Variants in RORA observed in about 807,000 individuals in gnomAD.
RORA encodes the protein RAR related orphan receptor A, also known as nuclear receptor ROR-alpha.
RORA carries 7 observed loss-of-function variants against 69.5 expected under a neutral mutation model. The observed-to-expected ratio is 0.10, with a 90% CI of 0.06 to 0.19. The LOEUF (loss-of-function observed/expected upper bound fraction) is 0.19. Ranked by LOEUF, RORA falls within the 10% of genes least tolerant of loss-of-function variation. The probability of loss-of-function intolerance (pLI) is 1.00; values close to 1 mark genes in which losing one functional copy is unlikely to be tolerated. For synonymous variants in RORA, 261 were observed against 240.8 expected, an observed-to-expected ratio of 1.08 and a Z score of -0.78; for missense variants, 457 against 663.0, an observed-to-expected ratio of 0.69 and a Z score of 3.41.
At chr15:60,829,359 G>A (rs538470470) in intron 1 of RORA, among the ~76,000 whole-genome samples, 1 of 152,328 alleles carries the variant, frequency 6.6e-6, no homozygotes, top group East Asian at 1.9e-4. Flanking sequence ...CAGTGAGCAG[G>A]GGGCAGTGAG....
intron 1 of RORA, among the ~76,000 whole-genome samples, chr15:61,122,319 T>C (rs2079111380): frequency 6.6e-6 from 1 of 152,196 alleles, no homozygotes; most frequent in Admixed American, 6.5e-5. Flanking sequence ...AAGGGAAGCA[T>C]TTGAAAAGGG....
intron 1 of RORA, among the ~76,000 whole-genome samples, chr15:60,825,565 C>G (rs762485099): frequency 1.3e-5 from 2 of 152,102 alleles, no homozygotes; most frequent in African/African-American, 2.4e-5. Flanking sequence ...TAGTGAAATC[C>G]TAGCATATAC....
chr15:61,199,375 AGTCCAATG>A (rs1449335247), intron 1 of RORA, among the ~76,000 whole-genome samples: 1 of 152,240 alleles, frequency 6.6e-6, no homozygotes, highest in Admixed American at 6.5e-5. Context: ...ACAAGAAGTT[AGTCCAATG>A]GCCCCAGGAA....
intron 1 of RORA, among the ~76,000 whole-genome samples, chr15:61,153,932 G>A (rs941434659): frequency 6.6e-6 from 1 of 152,166 alleles, no homozygotes; most frequent in Non-Finnish European, 1.5e-5. Flanking sequence ...ATTTGGTAAG[G>A]CCAAGCCACT....
chr15:60,901,598 T>A (rs1234748398), intron 1 of RORA, among the ~76,000 whole-genome samples: 1 of 152,204 alleles, frequency 6.6e-6, no homozygotes, highest in African/African-American at 2.4e-5. Flanking sequence ...TCCTAACAAC[T>A]TGATTTCTGA....
intron 2 of RORA, among the ~76,000 whole-genome samples, chr15:60,603,766 C>T (rs563778995): frequency 4.6e-5 from 7 of 152,298 alleles, no homozygotes; most frequent in East Asian, 1.9e-4. Context: ...AATCTTCTCG[C>T]GCTTGAACAC....
At chr15:60,503,466 G>A in intron 7 of RORA, 69 bp downstream of exon 7, 1 of 1,522,474 alleles carries the variant, frequency 6.6e-7, no homozygotes, top group East Asian at 2.3e-5. Flanking sequence ...TCCTTACCAA[G>A]CATTTCTTTA....
At chr15:61,006,789 T>C (rs1894924800) in intron 1 of RORA, among the ~76,000 whole-genome samples, 1 of 152,150 alleles carries the variant, frequency 6.6e-6, no homozygotes, top group Admixed American at 6.5e-5. Flanking sequence ...CTGTCCCTAC[T>C]CTCGTAAGTT....
chr15:61,223,314 C>A (rs1426583936), intron 1 of RORA, among the ~76,000 whole-genome samples: 911 of 96,150 alleles, frequency 9.5e-3, no homozygotes, highest in East Asian at 0.015. Flanking sequence ...GACTCTGTCT[C>A]AAAAAAAAAA....
At chr15:61,162,402 C>T (rs1269939990) in intron 1 of RORA, among the ~76,000 whole-genome samples, 1 of 152,108 alleles carries the variant, frequency 6.6e-6, no homozygotes, top group African/African-American at 2.4e-5. Context: ...TAGACTTTAG[C>T]CTTGACAAAA....
intron 2 of RORA, among the ~76,000 whole-genome samples, chr15:60,562,294 G>A (rs1163585825): frequency 6.6e-6 from 1 of 152,170 alleles, no homozygotes; most frequent in East Asian, 1.9e-4. Context: ...GGAGTGCGAT[G>A]GCACGATCAT....
intron 1 of RORA, among the ~76,000 whole-genome samples, chr15:60,880,653 T>G (rs2073669252): frequency 4.6e-5 from 7 of 152,120 alleles, no homozygotes; most frequent in Admixed American, 4.6e-4. Flanking sequence ...CCAATGAATT[T>G]CAACAACTTC....
At chr15:61,156,917 G>C (rs1285523188) in intron 1 of RORA, among the ~76,000 whole-genome samples, 1 of 152,166 alleles carries the variant, frequency 6.6e-6, no homozygotes, top group African/African-American at 2.4e-5. Context: ...TGAATGGTGA[G>C]AAGGATGTTC....
chr15:60,990,654 C>T (rs1894345461), intron 1 of RORA, among the ~76,000 whole-genome samples: 1 of 152,138 alleles, frequency 6.6e-6, no homozygotes, highest in South Asian at 2.1e-4. Context: ...AAATATGTTA[C>T]ATATACAATT....
chr15:60,608,943 AAC>A (rs2069016637), intron 2 of RORA, among the ~76,000 whole-genome samples: 1 of 152,300 alleles, frequency 6.6e-6, no homozygotes, highest in African/African-American at 2.4e-5. Context: ...GTGACCGAGA[AAC>A]ACACACAGTT....
At chr15:60,998,976 C>G (rs1488658713) in intron 1 of RORA, among the ~76,000 whole-genome samples, 1 of 152,064 alleles carries the variant, frequency 6.6e-6, no homozygotes, top group Admixed American at 6.6e-5. Context: ...TTGAAGACAG[C>G]TAAACTGGAG....
At chr15:60,702,484 G>A (rs531039440) in intron 1 of RORA, among the ~76,000 whole-genome samples, 5 of 152,030 alleles carry the variant, frequency 3.3e-5, no homozygotes, top group East Asian at 1.9e-4. Flanking sequence ...CGCCCGCCTC[G>A]GCCTCCCAAA....
In RORA at chr15:61,229,231, T is replaced by A. The variant is rs1260088249; in HGVS notation, c.-13A>T. 5.5e-6 allele frequency: 8 copies of A among 1,442,808 alleles called. No homozygotes were observed. Among genetic ancestry groups the A allele is most frequent in the East Asian group, 5.8e-5 (2 of 34,322 alleles). The allele number at this position is 1,442,808 out of a possible 1,614,324, so 89.4% of individuals were successfully genotyped here. A position where few individuals can be genotyped will look rare whatever the true frequency, so the allele number is the denominator to read the frequency against. ...GAGCTGACTCCATGTTTTTTCCCAA[T>A]GTAGAGATCGCTGGAGATGGCGAGC... is the stretch of plus-strand genomic sequence containing the variant. On this transcript the variant is annotated 5_prime_UTR_variant, in exon 1 of 11. Transcript: ENST00000335670.
chr15:60,608,150 C>T (rs770256509), intron 2 of RORA, among the ~76,000 whole-genome samples: 4 of 152,176 alleles, frequency 2.6e-5, no homozygotes, highest in East Asian at 3.8e-4. Flanking sequence ...TAAATTTTCT[C>T]GGCTCCTGCA....
Sources: gnomAD v4.1 joint callset for allele counts (sites outside exome capture counted in the v4.1 genomes callset) on GRCh38, gnomAD v4.1.1 for gene constraint, MANE v1.5 for transcripts, NCBI Gene and HGNC (gene_info 2026-07-23, HGNC 2026-07-21) for gene names.